Variants in RBFOX1 observed in about 807,000 individuals in gnomAD.
RBFOX1 encodes the protein RNA binding fox-1 homolog 1, also known as RNA binding protein fox-1 homolog 1.
Under a neutral mutation model 57.7 loss-of-function variants are expected in RBFOX1, and 8 were observed. The observed-to-expected ratio is 0.14, with a 90% CI of 0.08 to 0.25. RBFOX1 has a LOEUF of 0.25. RBFOX1 is among the 10% of genes least tolerant of loss of function. The pLI is 1.00. For missense variants in RBFOX1, 611 were observed against 548.5 expected (o/e 1.11, Z -1.14); for synonymous variants, 326 against 222.4 (o/e 1.47, Z -4.15).
intron 3 of RBFOX1, among the ~76,000 whole-genome samples, chr16:7,001,406 G>GTATATGTATATC (rs1481337529): frequency 0.023 from 2,842 of 121,576 alleles, 79 homozygotes; most frequent in East Asian, 0.12. Context: ...ATTTGTATAT[G>GTATATGTATATC]TATATGTATA....
At chr16:6,780,131 T>A (rs867368287) in intron 3 of RBFOX1, among the ~76,000 whole-genome samples, 1 of 26,364 alleles carries the variant, frequency 3.8e-5, no homozygotes, top group Non-Finnish European at 5.5e-5. Context: ...ATATATATAT[T>A]TATATATTTA....
intron 1 of RBFOX1, among the ~76,000 whole-genome samples, chr16:6,073,892 A>G (rs1384537989): frequency 6.6e-6 from 1 of 152,146 alleles, no homozygotes; most frequent in Non-Finnish European, 1.5e-5. Flanking sequence ...GAGGTGTTAC[A>G]CTATGGGTAC....
At chr16:5,503,635 G>T (rs1236564699) in intron 2 of RBFOX1, among the ~76,000 whole-genome samples, 3 of 152,070 alleles carry the variant, frequency 2.0e-5, no homozygotes, top group Non-Finnish European at 2.9e-5. Flanking sequence ...GTAGAGATGA[G>T]GTTTCCCCAT....
intron 4 of RBFOX1, among the ~76,000 whole-genome samples, chr16:7,162,694 A>C (rs1428145103): frequency 6.6e-6 from 1 of 152,048 alleles, no homozygotes; most frequent in Non-Finnish European, 1.5e-5. Flanking sequence ...GCGCCACTGC[A>C]CTCCACCCTG....
intron 3 of RBFOX1, among the ~76,000 whole-genome samples, chr16:6,792,095 T>A (rs1019929134): frequency 6.6e-6 from 1 of 152,170 alleles, no homozygotes; most frequent in African/African-American, 2.4e-5. Context: ...TAAATACATT[T>A]TAATAGTGGT....
At position 6,078,296 on chromosome 16, in the gene RBFOX1, C is replaced by A. The variant is rs915386862; in HGVS notation, c.-127+58304C>A. On this transcript the variant is annotated intron_variant, in intron 1 of 15. Transcript: ENST00000550418. ...GTTGGTTAAGAGCAAGCCTCTAGAG[C>A]AAGCTTCTCCAGCCCATGTCCCCCA... Among the ~76,000 whole-genome samples the A allele has an allele frequency of 2.0e-4, 30 of 152,186 alleles. 1 individual carries two copies. Among genetic ancestry groups the A allele is most frequent in the Admixed American group, 1.8e-3 (27 of 15,280 alleles).
At chr16:6,819,453 C>T (rs2090832198) in intron 3 of RBFOX1, among the ~76,000 whole-genome samples, 1 of 152,028 alleles carries the variant, frequency 6.6e-6, no homozygotes. Flanking sequence ...TGGCTGAGGC[C>T]AGTACTTAGG....
intron 2 of RBFOX1, among the ~76,000 whole-genome samples, chr16:5,526,962 A>G (rs117721870): frequency 3.7e-4 from 57 of 152,318 alleles, no homozygotes; most frequent in East Asian, 2.5e-3. Context: ...GATGACAGCA[A>G]TGGTCCTTCC....
At chr16:6,600,641 G>C (rs2097842114) in intron 2 of RBFOX1, among the ~76,000 whole-genome samples, 1 of 152,122 alleles carries the variant, frequency 6.6e-6, no homozygotes, top group Non-Finnish European at 1.5e-5. Flanking sequence ...CAGTGGACGG[G>C]ACACATCTGA....
chr16:7,174,366 A>T (rs2081263544), intron 4 of RBFOX1, among the ~76,000 whole-genome samples: 1 of 152,182 alleles, frequency 6.6e-6, no homozygotes, highest in South Asian at 2.1e-4. Flanking sequence ...TATTATGTAG[A>T]ATGTTACTAT....
intron 4 of RBFOX1, among the ~76,000 whole-genome samples, chr16:7,440,298 G>C (rs1426840848): frequency 6.6e-6 from 1 of 152,150 alleles, no homozygotes; most frequent in African/African-American, 2.4e-5. Flanking sequence ...TATTAGGGTG[G>C]AGCCAGGTAG....
intron 2 of RBFOX1, among the ~76,000 whole-genome samples, chr16:6,628,030 A>G (rs931801776): frequency 2.6e-5 from 4 of 152,236 alleles, no homozygotes; most frequent in African/African-American, 4.8e-5. Flanking sequence ...AAGTGTGCAA[A>G]GGACATCTCT....
intron 2 of RBFOX1, among the ~76,000 whole-genome samples, chr16:5,587,959 A>G (rs1207652746): frequency 2.6e-5 from 4 of 152,118 alleles, no homozygotes; most frequent in Admixed American, 2.6e-4. Flanking sequence ...CAGTTACCTA[A>G]ATGTCCATCA....
chr16:6,579,472 G>A (rs941631978), intron 2 of RBFOX1, among the ~76,000 whole-genome samples: 1 of 152,150 alleles, frequency 6.6e-6, no homozygotes, highest in Non-Finnish European at 1.5e-5. Context: ...ATTGAATCAT[G>A]GGAATGGTTA....
chr16:5,692,425 C>T lies in RBFOX1; in HGVS notation c.318+93464C>T, dbSNP rs186950021. On this transcript the variant is annotated intron_variant, in intron 3 of 19. Coordinates refer to the RBFOX1 transcript ENST00000641259. ...GCAAAAAGATGAGTTCTGCTAACCA[C>T]TGGGGAAGACTTGAAGTGGATCTTT... Among the ~76,000 whole-genome samples the T allele has an allele frequency of 2.3e-4, 35 of 152,190 alleles. No homozygotes were observed. In the East Asian group the frequency reaches 6.2e-3, roughly 27 times the overall value.
chr16:7,380,762 T>G (rs1043908753), intron 4 of RBFOX1, among the ~76,000 whole-genome samples: 1 of 152,232 alleles, frequency 6.6e-6, no homozygotes, highest in Non-Finnish European at 1.5e-5. Context: ...ATCCATTCTC[T>G]AGGGGAAAAT....
At chr16:6,410,577 C>T (rs2152969849) in intron 2 of RBFOX1, among the ~76,000 whole-genome samples, 1 of 152,198 alleles carries the variant, frequency 6.6e-6, no homozygotes, top group Non-Finnish European at 1.5e-5. Context: ...TCCCAAAGTG[C>T]TGGGATTACA....
chr16:6,815,636 C>G (rs1189307870), intron 3 of RBFOX1, among the ~76,000 whole-genome samples: 4 of 152,144 alleles, frequency 2.6e-5, no homozygotes, highest in African/African-American at 4.8e-5. Context: ...GAGTGACTTT[C>G]TCAAGGCTAC....
At chr16:5,380,938 C>T (rs1016217752) in intron 1 of RBFOX1, among the ~76,000 whole-genome samples, 5 of 152,222 alleles carry the variant, frequency 3.3e-5, no homozygotes, top group Admixed American at 2.0e-4. Flanking sequence ...TTTTTATGCA[C>T]TAAAATGGCA....
Sources: gnomAD v4.1 joint callset for allele counts (sites outside exome capture counted in the v4.1 genomes callset) on GRCh38, gnomAD v4.1.1 for gene constraint, MANE v1.5 for transcripts, NCBI Gene and HGNC (gene_info 2026-07-23, HGNC 2026-07-21) for gene names.